The following TMTC2 variants were observed in gnomAD, a reference collection of about 807,000 sequenced individuals.
The protein encoded by TMTC2 is transmembrane O-mannosyltransferase targeting cadherins 2, also known as protein O-mannosyl-transferase TMTC2.
Under a neutral mutation model 82.4 loss-of-function variants are expected in TMTC2, and 43 were observed. The observed-to-expected ratio is 0.52, with a 90% CI of 0.41 to 0.67. The LOEUF (loss-of-function observed/expected upper bound fraction) is 0.67, where lower values mean the gene tolerates loss of function less well. Among genes scored for constraint, TMTC2 ranks in the 30% least tolerant of loss-of-function variants. TMTC2 has a pLI of 0.00. For missense variants in TMTC2, 919 were observed against 1,012.4 expected (o/e 0.91, Z 1.25); for synonymous variants, 408 against 381.9 (o/e 1.07, Z -0.80).
intron 11 of TMTC2, among the ~76,000 whole-genome samples, chr12:83,109,326 G>A (rs749958026): frequency 1.3e-5 from 2 of 152,174 alleles, no homozygotes; most frequent in South Asian, 4.2e-4. Flanking sequence ...TCACTATTTT[G>A]ACAGAGTACC....
chr12:82,996,473 C>G (rs1051897026), intron 8 of TMTC2, among the ~76,000 whole-genome samples: 1 of 152,180 alleles, frequency 6.6e-6, no homozygotes, highest in African/African-American at 2.4e-5. Flanking sequence ...TTGCAGGACT[C>G]TCATTTGTAC....
chr12:82,744,241 T>A (rs1386467479), intron 1 of TMTC2, among the ~76,000 whole-genome samples: 1 of 152,166 alleles, frequency 6.6e-6, no homozygotes, highest in Non-Finnish European at 1.5e-5. Context: ...CCAACCAACA[T>A]GGTGAAACCC....
intron 8 of TMTC2, 48 bp downstream of exon 8, chr12:82,986,094 A>G (rs775141702): frequency 6.2e-7 from 1 of 1,612,938 alleles, no homozygotes; most frequent in South Asian, 1.1e-5. Context: ...TTCTCCATGC[A>G]GACCGGGATA....
chr12:83,036,783 G>T (rs1219751058), intron 9 of TMTC2, among the ~76,000 whole-genome samples: 8 of 152,104 alleles, frequency 5.3e-5, no homozygotes, highest in Admixed American at 4.6e-4. Context: ...ATTTATGTCT[G>T]CAGGCTGGAA....
chr12:83,001,594 CAT>C lies in TMTC2; in HGVS notation c.2070+15549_2070+15550del, dbSNP rs572019977. ...AGGTTGCCGTGAGCCGAGATCATGC[CAT>C]TGCACTCCAGCCTGGGCAAAAAGAA... On this transcript the variant is annotated intron_variant, in intron 8 of 11. Coordinates refer to ENST00000321196, the MANE Select transcript of TMTC2 (RefSeq NM_152588.3). Among the ~76,000 whole-genome samples the C allele has an allele frequency of 8.5e-4, 125 of 146,436 alleles. 1 individual carries two copies. Among genetic ancestry groups the C allele is most frequent in the Admixed American group, 7.2e-3 (104 of 14,542 alleles).
intron 1 of TMTC2, among the ~76,000 whole-genome samples, chr12:82,792,690 C>T (rs925796496): frequency 6.6e-6 from 1 of 151,910 alleles, no homozygotes; most frequent in Admixed American, 6.6e-5. Flanking sequence ...TGCCTCTGCT[C>T]GTCTTGAATG....
At position 82,940,014 on chromosome 12, in the gene TMTC2, CTTTTTTTTTT is replaced by C. The variant is rs71309537; in HGVS notation, c.1598+9483_1598+9492del. Reference sequence around the variant, plus strand: ...ACATGTATTTCTTTTTCTTTCTTTACTTTTTTTTTTTTTTTTTTTTTTTGAGACGGAGTTT... The same window carrying C: ...ACATGTATTTCTTTTTCTTTCTTTACTTTTTTTTTTTTTGAGACGGAGTTT... On this transcript the variant is annotated intron_variant, in intron 4 of 11. Coordinates refer to ENST00000321196, the MANE Select transcript of TMTC2 (RefSeq NM_152588.3). 3.3e-5 allele frequency among the ~76,000 whole-genome samples: 3 copies of C among 91,264 alleles called. No homozygotes were observed. The South Asian group carries it at 1.1e-3, about 32-fold the overall frequency. The allele number at this position is 91,264 out of a possible 152,430, so 59.9% of individuals were successfully genotyped here. A position where few individuals can be genotyped will look rare whatever the true frequency, so the allele number is the denominator to read the frequency against.
intron 1 of TMTC2, among the ~76,000 whole-genome samples, chr12:82,796,406 G>A (rs1006808704): frequency 6.6e-6 from 1 of 152,008 alleles, no homozygotes; most frequent in Non-Finnish European, 1.5e-5. Context: ...TTTTAGTAGT[G>A]AAAAATTTCA....
chr12:82,939,032 G>A (rs1426957775), intron 4 of TMTC2, among the ~76,000 whole-genome samples: 1 of 152,098 alleles, frequency 6.6e-6, no homozygotes, highest in African/African-American at 2.4e-5. Context: ...TTCATTTTAA[G>A]TTGTTTATAT....
chr12:83,033,488 C>T (rs1249772232), intron 9 of TMTC2, among the ~76,000 whole-genome samples: 2 of 152,150 alleles, frequency 1.3e-5, no homozygotes, highest in African/African-American at 2.4e-5. Context: ...CACGGCGGCT[C>T]ACGCCTGCAA....
chr12:82,995,364 G>A (rs1207825191), intron 8 of TMTC2, among the ~76,000 whole-genome samples: 1 of 151,450 alleles, frequency 6.6e-6, no homozygotes, highest in African/African-American at 2.4e-5. Flanking sequence ...GCACATAAAC[G>A]ATGCCACATC....
At chr12:82,985,785 C>A in intron 7 of TMTC2, 140 bp from the exon 8 acceptor site, 1 of 1,064,006 alleles carries the variant, frequency 9.4e-7, no homozygotes, top group Non-Finnish European at 1.3e-6. Context: ...CTTTGGGAAT[C>A]AGATGAGAAC....
chr12:82,738,973 G>A lies in TMTC2; in HGVS notation c.83+51304G>A, dbSNP rs556091189. On this transcript the variant is annotated intron_variant, in intron 1 of 11. Transcript: ENST00000321196. ...GACCAGCCTGGCCAACAGGATGAAAGCCTATCTCTACTAAAAATGCAAAAA... is the reference window on the plus strand; with the variant it reads ...GACCAGCCTGGCCAACAGGATGAAAACCTATCTCTACTAAAAATGCAAAAA... 2.1e-4 allele frequency among the ~76,000 whole-genome samples: 32 copies of A among 151,814 alleles called. No homozygotes were observed. In the East Asian group the frequency reaches 5.4e-3, roughly 26 times the overall value.
chr12:83,086,359 A>G (rs1481043864), intron 11 of TMTC2, among the ~76,000 whole-genome samples: 1 of 152,210 alleles, frequency 6.6e-6, no homozygotes, highest in Non-Finnish European at 1.5e-5. Context: ...TCAAAGACAG[A>G]GCCCAGGATC....
intron 1 of TMTC2, among the ~76,000 whole-genome samples, chr12:82,783,240 T>G (rs1363197332): frequency 6.6e-6 from 1 of 150,534 alleles, no homozygotes; most frequent in East Asian, 1.9e-4. Flanking sequence ...AGGTGCTGGG[T>G]AGGTTTAAAT....
chr12:82,705,370 A>G (rs1873303773), intron 1 of TMTC2, among the ~76,000 whole-genome samples: 1 of 152,222 alleles, frequency 6.6e-6, no homozygotes, highest in Non-Finnish European at 1.5e-5. Context: ...GTCCTTATAT[A>G]CATGTCAGAC....
chr12:83,024,437 G>A (rs921026027), intron 8 of TMTC2, among the ~76,000 whole-genome samples: 8 of 152,258 alleles, frequency 5.3e-5, no homozygotes, highest in East Asian at 1.9e-4. Flanking sequence ...TATTGGTATA[G>A]AGATAACATT....
At chr12:82,789,585 C>T (rs868591949) in intron 1 of TMTC2, among the ~76,000 whole-genome samples, 1 of 152,096 alleles carries the variant, frequency 6.6e-6, no homozygotes, top group Non-Finnish European at 1.5e-5. Context: ...GCCAGGCTCT[C>T]TACTGGAATA....
rs540257203 is a variant in TMTC2 at position 83,110,544 on chromosome 12, T to C, written c.2332-21666T>C. Reference sequence around the variant, plus strand: ...CTGCTCTTATCAAAGTTACTAGACTTTGACTAGTAAGTACAACACTCAGCA... The same window carrying C: ...CTGCTCTTATCAAAGTTACTAGACTCTGACTAGTAAGTACAACACTCAGCA... On this transcript the variant is annotated intron_variant, in intron 11 of 11. Transcript: ENST00000321196. Among the ~76,000 whole-genome samples the C allele has an allele frequency of 6.3e-4, 96 of 152,308 alleles. 1 individual carries two copies. Among genetic ancestry groups the C allele is most frequent in the Non-Finnish European group, 7.5e-4 (51 of 68,026 alleles).
Sources: gnomAD v4.1 joint callset for allele counts (sites outside exome capture counted in the v4.1 genomes callset) on GRCh38, gnomAD v4.1.1 for gene constraint, MANE v1.5 for transcripts, NCBI Gene and HGNC (gene_info 2026-07-23, HGNC 2026-07-21) for gene names.